LRBA: variants seen among roughly 807,000 people sequenced by gnomAD.
The protein encoded by LRBA is lipopolysaccharide-responsive and beige-like anchor protein.
A neutral mutation model predicts 330.0 loss-of-function variants in LRBA; 176 were observed. The observed-to-expected ratio is 0.53, with a 90% CI of 0.47 to 0.60. The LOEUF is 0.60. Ranked by LOEUF, LRBA falls within the 20% of genes least tolerant of loss-of-function variation. The pLI, the probability that LRBA is intolerant of heterozygous loss-of-function variation, is 0.00. For synonymous variants in LRBA, 1,230 were observed against 1,193.0 expected (o/e 1.03, Z -0.64); for missense variants, 3,259 against 3,444.8 (o/e 0.95, Z 1.35).
intron 48 of LRBA, among the ~76,000 whole-genome samples, chr4:150,340,036 C>T (rs531203914): frequency 4.6e-5 from 7 of 152,076 alleles, no homozygotes; most frequent in Non-Finnish European, 8.8e-5. Context: ...GGTTTTATAA[C>T]GGGCATCCTC....
intron 8 of LRBA, among the ~76,000 whole-genome samples, chr4:150,914,807 AAG>A (rs1016806070): frequency 6.6e-6 from 1 of 152,200 alleles, no homozygotes; most frequent in African/African-American, 2.4e-5. Flanking sequence ...TGTACTAAAA[AAG>A]AGCTAACATT....
chr4:150,916,418 C>A lies in LRBA; in HGVS notation c.877G>T (p.Asp293Tyr). Residue 293 changes from aspartate (D) to tyrosine (Y), a missense_variant, in exon 7 of 57, where the codon GAT (aspartate) becomes TAT (tyrosine). Transcript: ENST00000651943. Reference protein sequence around the residue: ...GKGFQHCVKFDFKPQKWYMVT... With the variant: ...GKGFQHCVKFYFKPQKWYMVT... Reference sequence around the variant, plus strand: ...TCATGTACCTTTTGTGGCTTGAAATCAAATTTCACACAGTGTTGAAAGCCT... The same window carrying A: ...TCATGTACCTTTTGTGGCTTGAAATAAAATTTCACACAGTGTTGAAAGCCT... 1 of 1,612,848 alleles carries A rather than the reference C, an allele frequency of 6.2e-7. No homozygotes were observed. Among genetic ancestry groups the A allele is most frequent in the South Asian group, 1.1e-5 (1 of 90,674 alleles).
chr4:150,308,696 G>A (rs1730670979), intron 52 of LRBA, among the ~76,000 whole-genome samples: 2 of 151,990 alleles, frequency 1.3e-5, no homozygotes, highest in Admixed American at 1.3e-4. Flanking sequence ...CTGACCCTAT[G>A]GAGGCTTAGC....
intron 42 of LRBA, among the ~76,000 whole-genome samples, chr4:150,486,631 C>T (rs1317147479): frequency 6.6e-6 from 1 of 151,616 alleles, no homozygotes; most frequent in Non-Finnish European, 1.5e-5. Context: ...ATTAATATAT[C>T]CATTACCTCA....
At chr4:150,753,755 T>C (rs1733876726) in intron 35 of LRBA, among the ~76,000 whole-genome samples, 1 of 152,006 alleles carries the variant, frequency 6.6e-6, no homozygotes, top group Non-Finnish European at 1.5e-5. Flanking sequence ...TTTACATAAA[T>C]CAGAACAAAG....
At chr4:150,892,012 A>G (rs769214818) in intron 17 of LRBA, among the ~76,000 whole-genome samples, 1 of 152,164 alleles carries the variant, frequency 6.6e-6, no homozygotes, top group Non-Finnish European at 1.5e-5. Flanking sequence ...GGATCCCTTG[A>G]GCCCAGGAGG....
At chr4:150,761,893 G>A (rs781690926) in intron 34 of LRBA, 46 bp from the exon 35 acceptor site, 3 of 949,736 alleles carry the variant, frequency 3.2e-6, no homozygotes, top group Admixed American at 2.6e-5. Context: ...TCACTCAGTA[G>A]GTTCTTTCTT....
At chr4:150,465,488 G>A (rs1755329874) in intron 44 of LRBA, among the ~76,000 whole-genome samples, 1 of 152,052 alleles carries the variant, frequency 6.6e-6, no homozygotes, top group African/African-American at 2.4e-5. Context: ...ATGCACAAGG[G>A]TTCCAATTTT....
At chr4:150,563,179 T>C (rs1359109448) in intron 40 of LRBA, among the ~76,000 whole-genome samples, 2 of 152,148 alleles carry the variant, frequency 1.3e-5, no homozygotes, top group East Asian at 3.8e-4. Flanking sequence ...TAAGACTTAC[T>C]AGTATTAGCA....
At chr4:150,617,772 A>G (rs1175858447) in intron 37 of LRBA, among the ~76,000 whole-genome samples, 1 of 152,160 alleles carries the variant, frequency 6.6e-6, no homozygotes, top group Non-Finnish European at 1.5e-5. Flanking sequence ...TCATTGCTAT[A>G]GCCACTAAAC....
chr4:150,930,988 C>T (rs1471471198), intron 2 of LRBA, among the ~76,000 whole-genome samples: 1 of 152,152 alleles, frequency 6.6e-6, no homozygotes, highest in Non-Finnish European at 1.5e-5. Context: ...TGAAATATTC[C>T]ATTCTACTTG....
intron 19 of LRBA, 124 bp from the exon 20 acceptor site, chr4:150,870,730 T>G: frequency 1.8e-6 from 1 of 551,956 alleles, no homozygotes; most frequent in South Asian, 2.8e-5. Context: ...TAGTATATTT[T>G]TAGTCCAATA....
At chr4:150,809,332 TACTC>T (rs1301144763) in intron 31 of LRBA, among the ~76,000 whole-genome samples, 2 of 152,158 alleles carry the variant, frequency 1.3e-5, no homozygotes, top group Non-Finnish European at 2.9e-5. Flanking sequence ...CTAAATACTA[TACTC>T]CACTAAAAGA....
rs138018109 is a variant in LRBA at position 150,599,032 on chromosome 4, C to T, written c.6021G>A (p.Ala2007=). ...CATGTTCCACGGCTGTTTTTAGTGT[C>T]GCTTCAGGATGTGTCGATCCTAGAG... is the stretch of plus-strand genomic sequence containing the variant. ...RNPLGSTHPE[A]TLKTAVEHAT... The change falls in exon 38 of 57, where the codon GCG becomes GCA. Residue 2007 remains alanine, a synonymous_variant. Coordinates refer to ENST00000651943, the MANE Select transcript of LRBA (RefSeq NM_001364905.1). 2.2e-5 allele frequency: 35 copies of T among 1,613,976 alleles called. 1 individual carries two copies. The African/African-American group carries it at 3.5e-4, about 16-fold the overall frequency.
chr4:150,308,613 T>A (rs1300510986), intron 52 of LRBA, among the ~76,000 whole-genome samples: 1 of 152,174 alleles, frequency 6.6e-6, no homozygotes, highest in Non-Finnish European at 1.5e-5. Context: ...GAAAGCTCCA[T>A]GCGTGTTCTT....
intron 28 of LRBA, among the ~76,000 whole-genome samples, chr4:150,834,635 T>C (rs1411515967): frequency 1.3e-5 from 2 of 152,128 alleles, no homozygotes; most frequent in East Asian, 1.9e-4. Flanking sequence ...ACAGGCAGAG[T>C]AGATTTATAA....
At chr4:150,302,248 T>C (rs946036358) in intron 53 of LRBA, among the ~76,000 whole-genome samples, 5 of 146,560 alleles carry the variant, frequency 3.4e-5, no homozygotes, top group Non-Finnish European at 6.2e-5. Flanking sequence ...AGTTTGTTTC[T>C]ATGAAATTAT....
intron 37 of LRBA, among the ~76,000 whole-genome samples, chr4:150,639,865 A>G (rs1331197821): frequency 1.3e-4 from 11 of 85,074 alleles, no homozygotes; most frequent in Non-Finnish European, 2.3e-4. Context: ...ATATATATAT[A>G]TATATATTTA....
At chr4:150,924,395 C>G (rs1387440875) in intron 4 of LRBA, among the ~76,000 whole-genome samples, 1 of 152,040 alleles carries the variant, frequency 6.6e-6, no homozygotes, top group East Asian at 1.9e-4. Context: ...TGCCTGTGGT[C>G]CCAGCTGCTT....
Sources: allele counts gnomAD v4.1 joint callset (sites outside exome capture counted in the v4.1 genomes callset), GRCh38; gene constraint gnomAD v4.1.1; transcripts MANE v1.5; gene names NCBI Gene and HGNC (gene_info 2026-07-23, HGNC 2026-07-21).